Variants in LINGO2 observed in about 807,000 individuals in gnomAD.
The protein encoded by LINGO2 is leucine-rich repeat and immunoglobulin-like domain-containing nogo receptor-interacting protein 2.
Under a neutral mutation model 30.6 loss-of-function variants are expected in LINGO2, and 14 were observed. The observed-to-expected ratio is 0.46, with a 90% CI of 0.30 to 0.72. The LOEUF (loss-of-function observed/expected upper bound fraction) is 0.72, where lower values mean the gene tolerates loss of function less well. LINGO2 is among the 30% of genes least tolerant of loss of function. LINGO2 has a pLI of 0.07. For missense variants in LINGO2, 729 were observed against 751.7 expected (o/e 0.97, Z 0.35); for synonymous variants, 317 against 288.5 (o/e 1.10, Z -1.00).
intron 5 of LINGO2, among the ~76,000 whole-genome samples, chr9:27,983,217 A>G (rs1424226727): frequency 6.6e-6 from 1 of 151,962 alleles, no homozygotes. Flanking sequence ...TAGAAGCTCT[A>G]TGAATTTATA....
At chr9:27,978,468 G>C (rs191427250) in intron 5 of LINGO2, among the ~76,000 whole-genome samples, 1 of 152,008 alleles carries the variant, frequency 6.6e-6, no homozygotes, top group Admixed American at 6.6e-5. Flanking sequence ...CTAATGAATG[G>C]GTTTATTAGT....
At chr9:28,390,060 A>G (rs1237921744) in intron 2 of LINGO2, among the ~76,000 whole-genome samples, 1 of 152,138 alleles carries the variant, frequency 6.6e-6, no homozygotes, top group Non-Finnish European at 1.5e-5. Context: ...ACTATCTGCC[A>G]GACAACATGT....
At chr9:28,795,983 T>TACACACACACAC in the LINGO2 span, among the ~76,000 whole-genome samples, 1,935 of 138,186 alleles carry the variant, frequency 0.014, 18 homozygotes, top group African/African-American at 0.021. Context: ...CAGTACTAGA[T>TACACACACACAC]ACACACACAC....
the LINGO2 span, among the ~76,000 whole-genome samples, chr9:28,882,557 T>C: frequency 6.6e-6 from 1 of 152,168 alleles, no homozygotes; most frequent in Non-Finnish European, 1.5e-5. Flanking sequence ...TTAGCAAATA[T>C]TCAATATCAG....
the LINGO2 span, among the ~76,000 whole-genome samples, chr9:29,178,574 AT>A: frequency 1.3e-5 from 2 of 152,168 alleles, no homozygotes; most frequent in African/African-American, 4.8e-5. Context: ...AGTAAAAAAA[AT>A]CAACAACAAA....
the LINGO2 span, among the ~76,000 whole-genome samples, chr9:28,857,212 G>A: frequency 1.3e-5 from 2 of 151,970 alleles, no homozygotes; most frequent in Non-Finnish European, 2.9e-5. Flanking sequence ...CCTTGGAACA[G>A]ATAGAATTTT....
chr9:28,046,742 A>C (rs1432864776), intron 4 of LINGO2, among the ~76,000 whole-genome samples: 1 of 150,866 alleles, frequency 6.6e-6, no homozygotes, highest in African/African-American at 2.5e-5. Context: ...TCTCCTCTTT[A>C]TCTACCACGA....
chr9:28,954,454 G>A, the LINGO2 span, among the ~76,000 whole-genome samples: 83 of 152,064 alleles, frequency 5.5e-4, 1 homozygote, highest in African/African-American at 2.0e-3. Flanking sequence ...AAAGGACACT[G>A]TTAAGTGACC....
At chr9:28,088,518 G>A (rs13302345) in intron 4 of LINGO2, among the ~76,000 whole-genome samples, 1 of 151,840 alleles carries the variant, frequency 6.6e-6, no homozygotes, top group Non-Finnish European at 1.5e-5. Flanking sequence ...CTTGGGATCC[G>A]TGGATGAAAT....
the LINGO2 span, among the ~76,000 whole-genome samples, chr9:28,774,084 T>A: frequency 6.9e-6 from 1 of 145,048 alleles, no homozygotes; most frequent in African/African-American, 2.5e-5. Flanking sequence ...ACACACACAC[T>A]TACTTTAGCA....
chr9:28,443,990 A>C (rs900475614), intron 2 of LINGO2, among the ~76,000 whole-genome samples: 1 of 151,962 alleles, frequency 6.6e-6, no homozygotes, highest in African/African-American at 2.4e-5. Context: ...ATCAGCACAG[A>C]CTTTCTCCCT....
intron 2 of LINGO2, among the ~76,000 whole-genome samples, chr9:28,390,307 G>A (rs909706133): frequency 6.6e-6 from 1 of 152,060 alleles, no homozygotes; most frequent in Non-Finnish European, 1.5e-5. Flanking sequence ...AGAGTTGTTT[G>A]GCAAATAATA....
At chr9:28,829,332 G>A in the LINGO2 span, among the ~76,000 whole-genome samples, 7 of 152,110 alleles carry the variant, frequency 4.6e-5, no homozygotes, top group Admixed American at 4.6e-4. Flanking sequence ...TTGTTCATGT[G>A]GCCTGATTTT....
intron 5 of LINGO2, among the ~76,000 whole-genome samples, chr9:27,997,438 T>G (rs1225496024): frequency 6.6e-6 from 1 of 152,044 alleles, no homozygotes; most frequent in Non-Finnish European, 1.5e-5. Flanking sequence ...CCAGATGAAC[T>G]TCAAACCTGG....
intron 4 of LINGO2, among the ~76,000 whole-genome samples, chr9:28,090,104 ATG>A (rs879831073): frequency 1.3e-5 from 2 of 152,214 alleles, no homozygotes; most frequent in African/African-American, 2.4e-5. Context: ...CCAGGACCAG[ATG>A]CATTCACAGC....
intron 1 of LINGO2, among the ~76,000 whole-genome samples, chr9:28,594,624 G>A (rs1255518197): frequency 6.6e-6 from 1 of 152,018 alleles, no homozygotes; most frequent in Non-Finnish European, 1.5e-5. Flanking sequence ...GCGTATATAA[G>A]GCGCACTATT....
chr9:28,662,863 A>G (rs1232250134), intron 1 of LINGO2, among the ~76,000 whole-genome samples: 1 of 152,214 alleles, frequency 6.6e-6, no homozygotes, highest in Admixed American at 6.5e-5. Flanking sequence ...CCATTCAGCA[A>G]AAAAGACTTT....
the LINGO2 span, among the ~76,000 whole-genome samples, chr9:28,805,109 G>A: frequency 1.1e-4 from 16 of 152,018 alleles, no homozygotes; most frequent in Non-Finnish European, 1.6e-4. Context: ...TTTAGCTCTC[G>A]AGCAAATGTT....
chr9:28,957,495 C>A, the LINGO2 span, among the ~76,000 whole-genome samples: 1 of 152,086 alleles, frequency 6.6e-6, no homozygotes, highest in Non-Finnish European at 1.5e-5. Context: ...TCTCTAGATT[C>A]TCTTAAACTT....
Sources: allele counts gnomAD v4.1 joint callset (sites outside exome capture counted in the v4.1 genomes callset), GRCh38; gene constraint gnomAD v4.1.1; transcripts MANE v1.5; gene names NCBI Gene and HGNC (gene_info 2026-07-23, HGNC 2026-07-21).